The following CRTAC1 variants were observed in gnomAD, a reference collection of about 807,000 sequenced individuals.
CRTAC1 encodes the protein acidic secreted protein in cartilage.
A neutral mutation model predicts 67.8 loss-of-function variants in CRTAC1; 37 were observed. The ratio of observed to expected loss-of-function variants is 0.55; its 90% CI spans 0.42 to 0.72. The LOEUF is 0.72. Ranked by LOEUF, CRTAC1 falls within the 30% of genes least tolerant of loss-of-function variation. The pLI is 0.00. For missense variants in CRTAC1, 780 were observed against 931.6 expected (o/e 0.84, Z 2.12); for synonymous variants, 348 against 371.0 (o/e 0.94, Z 0.71).
intron 2 of CRTAC1, among the ~76,000 whole-genome samples, chr10:98,001,911 C>T (rs2136684452): frequency 6.6e-6 from 1 of 152,326 alleles, no homozygotes; most frequent in African/African-American, 2.4e-5. Context: ...AAGAAAAACA[C>T]AGGATGGGGA....
chr10:97,898,279 C>T (rs2050488529), intron 8 of CRTAC1, among the ~76,000 whole-genome samples: 1 of 152,188 alleles, frequency 6.6e-6, no homozygotes, highest in African/African-American at 2.4e-5. Context: ...TAACAGGAAC[C>T]ACCGTTCAGA....
In CRTAC1 at chr10:98,005,471, A is replaced by C. The variant is rs1177872880; in HGVS notation, c.224+5667T>G. 1.2e-3 allele frequency among the ~76,000 whole-genome samples: 183 copies of C among 152,026 alleles called. 3 individuals are homozygous for C. The highest frequency in any genetic ancestry group is 8.8e-5 in the Non-Finnish European group (6 of 68,000). On this transcript the variant is annotated intron_variant, in intron 2 of 14. Coordinates refer to ENST00000370597, the MANE Select transcript of CRTAC1 (RefSeq NM_018058.7). ...TGAAATAATTTAACATTTTAAGATA[A>C]TATCAAAACTGATTATCAAATCTAT...
At chr10:97,912,565 T>C (rs2050702565) in intron 5 of CRTAC1, among the ~76,000 whole-genome samples, 1 of 83,098 alleles carries the variant, frequency 1.2e-5, no homozygotes, top group African/African-American at 3.0e-5. Flanking sequence ...AGACAATCCA[T>C]CTCTCAGACT....
chr10:98,001,735 A>G (rs908117002), intron 2 of CRTAC1, among the ~76,000 whole-genome samples: 1 of 152,202 alleles, frequency 6.6e-6, no homozygotes, highest in Admixed American at 6.5e-5. Context: ...CTGAAGTGGG[A>G]ATGTTCGTTT....
intron 13 of CRTAC1, among the ~76,000 whole-genome samples, chr10:97,882,423 C>T (rs1359008646): frequency 1.3e-5 from 2 of 152,248 alleles, no homozygotes; most frequent in African/African-American, 4.8e-5. Context: ...CACACCCTTG[C>T]CTGCCAGCCC....
chr10:97,953,222 T>G (rs999411229), intron 2 of CRTAC1, among the ~76,000 whole-genome samples: 1 of 152,190 alleles, frequency 6.6e-6, no homozygotes, highest in African/African-American at 2.4e-5. Flanking sequence ...AGATCAAGCC[T>G]AGGCATCTGC....
chr10:97,881,373 T>G (rs2050211867), intron 13 of CRTAC1, among the ~76,000 whole-genome samples: 1 of 152,074 alleles, frequency 6.6e-6, no homozygotes, highest in African/African-American at 2.4e-5. Context: ...CAGCTCAGAG[T>G]CTTCCCCCCG....
At chr10:97,888,612 T>C (rs533443571) in intron 11 of CRTAC1, among the ~76,000 whole-genome samples, 43 of 152,248 alleles carry the variant, frequency 2.8e-4, no homozygotes, top group African/African-American at 9.9e-4. Flanking sequence ...GAGCTAGGAC[T>C]GGAAACCAGT....
chr10:97,882,231 A>G (rs1454125098), intron 13 of CRTAC1, among the ~76,000 whole-genome samples: 1 of 152,110 alleles, frequency 6.6e-6, no homozygotes, highest in Non-Finnish European at 1.5e-5. Context: ...CTGAACTTCT[A>G]GGCTGCCCCT....
At chr10:97,904,916 C>T (rs1484731333) in intron 6 of CRTAC1, 102 bp from the exon 7 acceptor site, 16 of 1,347,276 alleles carry the variant, frequency 1.2e-5, no homozygotes, top group Non-Finnish European at 1.6e-5. Flanking sequence ...GAGGGTGACT[C>T]TCATCTTGTT....
chr10:97,996,322 G>C (rs542888552), intron 2 of CRTAC1, among the ~76,000 whole-genome samples: 3 of 149,706 alleles, frequency 2.0e-5, no homozygotes, highest in Non-Finnish European at 3.0e-5. Context: ...GAAAATTTTC[G>C]CAACCTACTC....
At chr10:97,970,666 T>C (rs2051693762) in intron 2 of CRTAC1, among the ~76,000 whole-genome samples, 1 of 152,206 alleles carries the variant, frequency 6.6e-6, no homozygotes, top group Admixed American at 6.5e-5. Context: ...TTTCCCACTT[T>C]AACTTTTCTC....
At chr10:97,865,934 C>T (rs1326060920) in intron 14 of CRTAC1, 19 of 628,858 alleles carry the variant, frequency 3.0e-5, no homozygotes, top group East Asian at 2.9e-4. Context: ...TTTTCCTTCC[C>T]GATGGGGCTG....
Position 97,976,203 on chromosome 10 carries a change from G to A in CRTAC1, c.224+34935C>T, listed in dbSNP as rs142169126. ...CAAACATCTTCAGTAGGTCCTCTGC[G>A]CTCATTCCACTTCTAACAAAGCTTA... On this transcript the variant is annotated intron_variant, in intron 2 of 14. Transcript: ENST00000370597. 3.2e-3 allele frequency among the ~76,000 whole-genome samples: 489 copies of A among 152,304 alleles called. 2 individuals are homozygous for A. Among genetic ancestry groups the A allele is most frequent in the African/African-American group, 0.011 (457 of 41,578 alleles).
chr10:97,895,127 G>A lies in CRTAC1; in HGVS notation c.1486+118C>T. On this transcript the variant is annotated intron_variant, in intron 11 of 14. Coordinates refer to ENST00000370597, the MANE Select transcript of CRTAC1 (RefSeq NM_018058.7). This position sits in a 1 kb window ranked among gnomAD's most constrained non-coding sequence, Gnocchi z 4.2. Reference sequence around the variant, plus strand: ...GTAGGGTTTGTCCCCAGTAGCTGGTGTCCACCATGGCTGTCACAGTAGAGC... The same window carrying A: ...GTAGGGTTTGTCCCCAGTAGCTGGTATCCACCATGGCTGTCACAGTAGAGC... 1 of 991,398 alleles carries A rather than the reference G, an allele frequency of 1.0e-6. No individual in the cohort carries two copies. 61.4% of individuals were successfully genotyped at this position (991,398 alleles called of 1,614,324 possible).
chr10:98,017,287 T>A (rs932083035), intron 1 of CRTAC1, among the ~76,000 whole-genome samples: 9 of 152,036 alleles, frequency 5.9e-5, no homozygotes, highest in African/African-American at 2.2e-4. Flanking sequence ...GGAGCAGCCA[T>A]GTGATCTCAG....
rs2051781222 is a variant in CRTAC1, at chr10:97,975,280, C to T, written c.224+35858G>A. ...GGGCCCGGCTGACTGATGCGGCTGTCCTCAGCCCCCTCACGGAGCACGGGT... is the reference window on the plus strand; with the variant it reads ...GGGCCCGGCTGACTGATGCGGCTGTTCTCAGCCCCCTCACGGAGCACGGGT... On this transcript the variant is annotated intron_variant, in intron 2 of 14. Coordinates refer to ENST00000370597, the MANE Select transcript of CRTAC1 (RefSeq NM_018058.7). The surrounding 1 kb of genome is among the most constrained non-coding windows in gnomAD (Gnocchi z 4.8). Among the ~76,000 whole-genome samples the T allele has an allele frequency of 6.6e-6, 1 of 152,044 alleles. No homozygotes were observed. The highest frequency in any genetic ancestry group is 2.4e-5 in the African/African-American group (1 of 41,402).
intron 14 of CRTAC1, chr10:97,867,226 A>T (rs1355113660): frequency 6.6e-6 from 1 of 152,270 alleles, no homozygotes; most frequent in Non-Finnish European, 1.5e-5. Flanking sequence ...GGGAAAGGCA[A>T]ACTCCCTCCT....
At chr10:98,008,397 T>C (rs76290968) in intron 2 of CRTAC1, among the ~76,000 whole-genome samples, 6,421 of 103,846 alleles carry the variant, frequency 0.062, 200 homozygotes, top group Middle Eastern at 0.14. Flanking sequence ...TCTGGAACCA[T>C]GGGAAAAGAG....
Sources: allele counts gnomAD v4.1 joint callset (sites outside exome capture counted in the v4.1 genomes callset), GRCh38; gene constraint gnomAD v4.1.1; non-coding constraint Gnocchi (gnomAD v3.1); transcripts MANE v1.5; gene names NCBI Gene and HGNC (gene_info 2026-07-23, HGNC 2026-07-21).